Variants in DCHS2 observed in about 807,000 individuals in gnomAD.
The protein encoded by DCHS2 is dachsous cadherin-related 2, also known as protocadherin-23.
A neutral mutation model predicts 182.4 loss-of-function variants in DCHS2; 142 were observed. That is an observed-to-expected ratio of 0.78 (90% CI 0.68 to 0.89). The LOEUF (loss-of-function observed/expected upper bound fraction) is 0.89. DCHS2 is among the 40% of genes least tolerant of loss of function. The pLI, the probability that DCHS2 is intolerant of heterozygous loss-of-function variation, is 0.00. For missense variants in DCHS2, 4,319 were observed against 4,198.6 expected, an observed-to-expected ratio of 1.03 and a Z score of -0.79; for synonymous variants, 1,740 against 1,663.3, an observed-to-expected ratio of 1.05 and a Z score of -1.12.
At chr4:154,447,442 G>A (rs1734347897) in intron 1 of DCHS2, among the ~76,000 whole-genome samples, 1 of 152,092 alleles carries the variant, frequency 6.6e-6, no homozygotes, top group Non-Finnish European at 1.5e-5. Context: ...GGATGTCTCT[G>A]TATTCATTAT....
chr4:154,442,612 C>A (rs1734086686), intron 1 of DCHS2, among the ~76,000 whole-genome samples: 1 of 139,776 alleles, frequency 7.2e-6, no homozygotes, highest in Admixed American at 8.4e-5. Flanking sequence ...TGTTATTTTT[C>A]CCCCACATCC....
intron 2 of DCHS2, among the ~76,000 whole-genome samples, chr4:154,369,971 C>T (rs1373431561): frequency 6.6e-6 from 1 of 152,182 alleles, no homozygotes; most frequent in East Asian, 1.9e-4. Context: ...GCTTTCCATT[C>T]TCTTTGTTCT....
chr4:154,454,990 A>G (rs551528906), intron 1 of DCHS2, among the ~76,000 whole-genome samples: 5 of 152,330 alleles, frequency 3.3e-5, no homozygotes, highest in Admixed American at 6.5e-5. Flanking sequence ...TTTGTCATCA[A>G]TGATGTCAAT....
At position 154,234,942 on chromosome 4, in the gene DCHS2, A is replaced by AGAT; in HGVS notation, c.9707_9709dup (p.Tyr3236_Leu3237insHis). The AGAT allele has an allele frequency of 6.2e-7, 1 of 1,614,076 alleles. No homozygotes were observed. Among genetic ancestry groups the AGAT allele is most frequent in the Non-Finnish European group, 8.5e-7 (1 of 1,179,946 alleles). ...TTGGAATTTGGGCTCCCAACTAAGA[A>AGAT]GATAATTCCAGTGATAGTTGTCTTT... On this transcript the variant is annotated inframe_insertion, in exon 20 of 20. Coordinates refer to ENST00000357232, the MANE Select transcript of DCHS2 (RefSeq NM_001358235.2).
In DCHS2 at chr4:154,400,302, CAAAA is replaced by C. The variant is rs56268638; in HGVS notation, c.2053-22862_2053-22859del. Among the ~76,000 whole-genome samples, 20 of 91,452 alleles carry C rather than the reference CAAAA, an allele frequency of 2.2e-4. 1 individual carries two copies. The highest frequency in any genetic ancestry group is 6.8e-3 in the Middle Eastern group (1 of 148). The allele number at this position is 91,452 out of a possible 152,430, so 60.0% of individuals were successfully genotyped here. On this transcript the variant is annotated intron_variant, in intron 1 of 19. Coordinates refer to ENST00000357232, the MANE Select transcript of DCHS2 (RefSeq NM_001358235.2). ...TGGGCAACAGAGCGAGACTTCGTCT[CAAAA>C]AAAAAAAAAAAGGAAGTAGGCTTTC...
intron 10 of DCHS2, among the ~76,000 whole-genome samples, chr4:154,310,214 G>A (rs889680572): frequency 2.6e-5 from 4 of 152,176 alleles, no homozygotes; most frequent in Non-Finnish European, 5.9e-5. Flanking sequence ...GCATAAACCT[G>A]GGGAATATGT....
In DCHS2 at chr4:154,489,754, G is replaced by C. The variant is rs761647753; in HGVS notation, c.1602C>G (p.Asp534Glu). 4.5e-6 allele frequency: 7 copies of C among 1,551,526 alleles called. No individual in the cohort carries two copies. In the African/African-American group the frequency reaches 8.2e-5, roughly 18 times the overall value. ...GCTGTTGGCTGAAGAGAGGTGGTTG[G>C]TCATTGAGGTCAGCGACCCGGAGTA... ...TLLLRVADLN[D>E]QPPLFSQQHY... is the part of the protein sequence containing the mutation. Residue 534 changes from aspartate (D) to glutamate (E), a missense_variant, in exon 1 of 20, where the codon GAC becomes GAG. By Grantham distance (45) the Asp-to-Glu change is conservative. Coordinates refer to ENST00000357232, the MANE Select transcript of DCHS2 (RefSeq NM_001358235.2).
intron 1 of DCHS2, among the ~76,000 whole-genome samples, chr4:154,483,208 C>A (rs1490672): frequency 6.6e-6 from 1 of 151,398 alleles, no homozygotes; most frequent in African/African-American, 2.4e-5. Context: ...GAATTACAAC[C>A]GAACAGAGAA....
chr4:154,368,517 CTTT>C (rs35087635), intron 2 of DCHS2, among the ~76,000 whole-genome samples: 12 of 142,036 alleles, frequency 8.4e-5, no homozygotes, highest in Middle Eastern at 3.6e-3. Flanking sequence ...ACGTATAATA[CTTT>C]TTTTTTTTTT....
chr4:154,450,494 T>C (rs945187277), intron 1 of DCHS2, among the ~76,000 whole-genome samples: 3 of 152,178 alleles, frequency 2.0e-5, no homozygotes, highest in Non-Finnish European at 4.4e-5. Context: ...CTAGACTTAC[T>C]AGTAAGAATT....
At chr4:154,300,149 A>C (rs912940989) in intron 12 of DCHS2, among the ~76,000 whole-genome samples, 36 of 152,162 alleles carry the variant, frequency 2.4e-4, no homozygotes, top group African/African-American at 8.7e-4. Context: ...TGACTAGTAC[A>C]CAGGGTTCCT....
At chr4:154,468,337 T>G (rs1560776742) in intron 1 of DCHS2, among the ~76,000 whole-genome samples, 2 of 152,150 alleles carry the variant, frequency 1.3e-5, no homozygotes, top group East Asian at 3.8e-4. Context: ...ATAGAAAAGT[T>G]TAAGCATTTT....
At chr4:154,368,512 T>A (rs985609453) in intron 2 of DCHS2, among the ~76,000 whole-genome samples, 1 of 139,088 alleles carries the variant, frequency 7.2e-6, no homozygotes, top group Non-Finnish European at 1.6e-5. Flanking sequence ...GGAAAACGTA[T>A]AATACTTTTT....
At chr4:154,438,600 T>C (rs570060511) in intron 1 of DCHS2, among the ~76,000 whole-genome samples, 93 of 152,292 alleles carry the variant, frequency 6.1e-4, no homozygotes, top group Non-Finnish European at 1.0e-3. Flanking sequence ...GGTAAACTTA[T>C]ATTGAATCAT....
Position 154,239,199 on chromosome 4 carries a change from G to A in DCHS2, c.7463C>T (p.Ser2488Phe). 1 of 1,613,162 alleles carries A rather than the reference G, an allele frequency of 6.2e-7. No individual in the cohort carries two copies. Among genetic ancestry groups the A allele is most frequent in the South Asian group, 1.1e-5 (1 of 91,024 alleles). The change falls in exon 19 of 20, where the codon TCT becomes TTT. Residue 2488 changes from serine (S) to phenylalanine (F), a missense_variant. By Grantham distance (155) the Ser-to-Phe change is radical (BLOSUM62 -2). Transcript: ENST00000357232. ...ENISYRILSS[S>F]KEFSIDPKNG... Reference sequence around the variant, plus strand: ...CTTAGGATCAATGGAGAATTCCTTAGAAGAGGATAGAATTCTGTAAGAAAT... The same window carrying A: ...CTTAGGATCAATGGAGAATTCCTTAAAAGAGGATAGAATTCTGTAAGAAAT...
chr4:154,297,827 T>C, intron 13 of DCHS2, 24 bp downstream of exon 13: 2 of 1,586,260 alleles, frequency 1.3e-6, no homozygotes, highest in Non-Finnish European at 1.7e-6. Context: ...GTACAATATA[T>C]GAAAAACTTG....
chr4:154,248,217 A>G (rs528943106), intron 16 of DCHS2, among the ~76,000 whole-genome samples: 334 of 152,338 alleles, frequency 2.2e-3, no homozygotes, highest in Non-Finnish European at 4.1e-3. Flanking sequence ...TGATTTGACT[A>G]TGAAGTAAAC....
At chr4:154,277,433 G>T (rs188297610) in intron 13 of DCHS2, among the ~76,000 whole-genome samples, 2 of 152,176 alleles carry the variant, frequency 1.3e-5, no homozygotes, top group South Asian at 2.1e-4. Flanking sequence ...AGACTACAAA[G>T]CCCCTCAGAA....
intron 10 of DCHS2, among the ~76,000 whole-genome samples, chr4:154,313,101 T>C (rs765171021): frequency 6.6e-6 from 1 of 152,190 alleles, no homozygotes; most frequent in African/African-American, 2.4e-5. Flanking sequence ...ATTCTATATT[T>C]CAGTGTGGCA....
Sources: allele counts gnomAD v4.1 joint callset (sites outside exome capture counted in the v4.1 genomes callset), GRCh38; gene constraint gnomAD v4.1.1; transcripts MANE v1.5; gene names NCBI Gene and HGNC (gene_info 2026-07-23, HGNC 2026-07-21).